DGKB: variants seen among roughly 807,000 people sequenced by gnomAD.
DGKB encodes 90 kDa diacylglycerol kinase.
In DGKB, 67 loss-of-function variants were observed where a neutral mutation model predicts 114.3. That is an observed-to-expected ratio of 0.59 (90% CI 0.48 to 0.72). DGKB has a LOEUF of 0.72. Ranked by LOEUF, DGKB falls within the 30% of genes least tolerant of loss-of-function variation. The probability of loss-of-function intolerance (pLI) is 0.00; values close to 1 mark genes in which losing one functional copy is unlikely to be tolerated. For missense variants in DGKB, 907 were observed against 975.2 expected (o/e 0.93, Z 0.93); for synonymous variants, 398 against 323.1 (o/e 1.23, Z -2.49).
At chr7:14,262,109 G>T (rs1372390251) in intron 23 of DGKB, among the ~76,000 whole-genome samples, 1 of 152,148 alleles carries the variant, frequency 6.6e-6, no homozygotes, top group Non-Finnish European at 1.5e-5. Flanking sequence ...GGGTCCTCTG[G>T]AATATAGGAG....
At chr7:14,276,370 C>A (rs1302488105) in intron 23 of DGKB, among the ~76,000 whole-genome samples, 4 of 152,082 alleles carry the variant, frequency 2.6e-5, no homozygotes, top group Non-Finnish European at 5.9e-5. Flanking sequence ...TTTTCTCAAC[C>A]AATAAAGACA....
In DGKB at chr7:14,149,136, C is replaced by G; in HGVS notation, c.2407G>C (p.Glu803Gln). 4 of 1,613,070 alleles carry G rather than the reference C, an allele frequency of 2.5e-6. No individual in the cohort carries two copies. The highest frequency in any genetic ancestry group is 1.7e-6 in the Non-Finnish European group (2 of 1,179,166). ...LVKRTRNRSK[E>Q] ...AAGAGTGAAACAACACAGGATTATT[C>G]CTTGCTTCGGTTTCTTGTCCTTTTG... The change falls in exon 26 of 26, where the codon GAA (glutamate) becomes CAA (glutamine). Residue 803 changes from glutamate to glutamine, a missense_variant. Around this residue, in one of 3 missense-constraint regions of DGKB, gnomAD observed 58 missense variants for 52.5 expected, o/e 1.10. Coordinates refer to ENST00000402815, the MANE Select transcript of DGKB (RefSeq NM_001350709.2).
intron 1 of DGKB, among the ~76,000 whole-genome samples, chr7:14,909,421 T>C (rs966833207): frequency 2.0e-5 from 3 of 152,182 alleles, no homozygotes; most frequent in Non-Finnish European, 4.4e-5. Context: ...ATCAATATTA[T>C]GCACGCACTA....
At chr7:14,528,427 T>G (rs1369407695) in intron 20 of DGKB, among the ~76,000 whole-genome samples, 1 of 152,090 alleles carries the variant, frequency 6.6e-6, no homozygotes. Context: ...TAAGTACATT[T>G]AAGAACAGGG....
At chr7:14,933,012 T>G (rs989579613) in intron 1 of DGKB, among the ~76,000 whole-genome samples, 3 of 152,196 alleles carry the variant, frequency 2.0e-5, no homozygotes, top group Non-Finnish European at 4.4e-5. Context: ...GTTTCCTATC[T>G]GCTCCTCTGT....
At chr7:14,598,563 T>C (rs1585035654) in intron 17 of DGKB, among the ~76,000 whole-genome samples, 1 of 152,204 alleles carries the variant, frequency 6.6e-6, no homozygotes, top group African/African-American at 2.4e-5. Context: ...AGATGGTAAA[T>C]GTTCATAAAT....
At chr7:14,376,877 C>A (rs1490149237) in intron 21 of DGKB, among the ~76,000 whole-genome samples, 2 of 152,092 alleles carry the variant, frequency 1.3e-5, no homozygotes, top group Non-Finnish European at 2.9e-5. Flanking sequence ...CTATAAAGGA[C>A]CCAACTTGAA....
Position 14,613,422 on chromosome 7 carries a change from A to G in DGKB, c.1285-9T>C. The G allele has an allele frequency of 6.6e-7, 1 of 1,508,270 alleles. No individual in the cohort carries two copies. Among genetic ancestry groups the G allele is most frequent in the Non-Finnish European group, 9.0e-7 (1 of 1,106,872 alleles). 93.4% of individuals were successfully genotyped at this position (1,508,270 alleles called of 1,614,324 possible). Reference sequence around the variant, plus strand: ...CCAGGCACAGGAGTGACCTATAAGAAAAGTTATATACATGGAAAAATTATT... The same window carrying G: ...CCAGGCACAGGAGTGACCTATAAGAGAAGTTATATACATGGAAAAATTATT... On this transcript the variant is annotated splice_polypyrimidine_tract_variant and intron_variant, in intron 15 of 25. Transcript: ENST00000402815.
chr7:14,313,937 G>A (rs1039810828), intron 23 of DGKB, among the ~76,000 whole-genome samples: 7 of 152,226 alleles, frequency 4.6e-5, no homozygotes, highest in African/African-American at 1.7e-4. Flanking sequence ...AGAGATCTGA[G>A]AACGGGCAGA....
At chr7:14,671,856 C>G (rs1422373849) in intron 13 of DGKB, among the ~76,000 whole-genome samples, 2 of 151,998 alleles carry the variant, frequency 1.3e-5, no homozygotes, top group Non-Finnish European at 2.9e-5. Context: ...TTAAATTAAC[C>G]TAAAATGTAA....
chr7:14,430,686 T>G (rs887392894), intron 21 of DGKB, among the ~76,000 whole-genome samples: 5 of 152,184 alleles, frequency 3.3e-5, no homozygotes, highest in East Asian at 1.9e-4. Context: ...AGTTGAATAT[T>G]TGTTGTATAT....
chr7:14,674,072 G>C (rs1248158051), intron 12 of DGKB, among the ~76,000 whole-genome samples: 1 of 152,144 alleles, frequency 6.6e-6, no homozygotes, highest in African/African-American at 2.4e-5. Flanking sequence ...TTTAGTAATA[G>C]AACAGTATCA....
intron 20 of DGKB, among the ~76,000 whole-genome samples, chr7:14,555,372 G>T (rs1165776710): frequency 6.6e-6 from 1 of 152,154 alleles, no homozygotes; most frequent in African/African-American, 2.4e-5. Context: ...TACACGGCAA[G>T]GAAATTGACC....
At chr7:14,667,182 C>T (rs11984270) in intron 13 of DGKB, among the ~76,000 whole-genome samples, 4,636 of 151,786 alleles carry the variant, frequency 0.031, 232 homozygotes, top group African/African-American at 0.11. Context: ...CTTATAACAA[C>T]GATTGGGGAG....
At chr7:14,551,981 G>A (rs1206627768) in intron 20 of DGKB, among the ~76,000 whole-genome samples, 2 of 151,966 alleles carry the variant, frequency 1.3e-5, no homozygotes, top group African/African-American at 4.8e-5. Context: ...TCTAATTACA[G>A]AACCATAAGG....
At chr7:14,241,957 TACACACACACACACAC>T (rs71033980) in intron 23 of DGKB, among the ~76,000 whole-genome samples, 2 of 148,176 alleles carry the variant, frequency 1.3e-5, no homozygotes, top group Non-Finnish European at 3.0e-5. Flanking sequence ...CACACACATA[TACACACACACACACAC>T]ACACACACAC....
Position 14,389,184 on chromosome 7 carries a change from G to C in DGKB, c.1836-43793C>G, listed in dbSNP as rs181793687. 1.1e-3 allele frequency among the ~76,000 whole-genome samples: 164 copies of C among 152,230 alleles called. 1 individual carries two copies. Among genetic ancestry groups the C allele is most frequent in the African/African-American group, 3.9e-3 (160 of 41,544 alleles). Reference sequence around the variant, plus strand: ...TTTTGTGTGTCTGCTTTATTCCTTTGTTGGAGTTCCACATTTTCTTTGTGT... The same window carrying C: ...TTTTGTGTGTCTGCTTTATTCCTTTCTTGGAGTTCCACATTTTCTTTGTGT... On this transcript the variant is annotated intron_variant, in intron 21 of 25. Coordinates refer to ENST00000402815, the MANE Select transcript of DGKB (RefSeq NM_001350709.2).
chr7:14,652,963 T>C (rs1814916059), intron 13 of DGKB, among the ~76,000 whole-genome samples: 1 of 151,714 alleles, frequency 6.6e-6, no homozygotes, highest in Non-Finnish European at 1.5e-5. Context: ...AGATACCATC[T>C]CACACCAGTT....
intron 23 of DGKB, among the ~76,000 whole-genome samples, chr7:14,272,183 A>T (rs564109477): frequency 6.6e-6 from 1 of 152,204 alleles, no homozygotes; most frequent in East Asian, 1.9e-4. Flanking sequence ...TAAACAATGC[A>T]AGATGACAGT....
Sources: gnomAD v4.1 joint callset for allele counts (sites outside exome capture counted in the v4.1 genomes callset) on GRCh38, gnomAD v4.1.1 for gene constraint, gnomAD v4.1.1 regional missense constraint, MANE v1.5 for transcripts, NCBI Gene and HGNC (gene_info 2026-07-23, HGNC 2026-07-21) for gene names.